The following EFL1 variants were observed in gnomAD, a reference collection of about 807,000 sequenced individuals.
EFL1 encodes the protein elongation factor-like GTPase 1.
In EFL1, 76 loss-of-function variants were observed where a neutral mutation model predicts 126.7. That is an observed-to-expected ratio of 0.60 (90% confidence interval 0.50 to 0.73). The LOEUF is 0.73. Ranked by LOEUF, EFL1 falls within the 30% of genes least tolerant of loss-of-function variation. EFL1 has a pLI of 0.00. For missense variants in EFL1, 1,128 were observed against 1,343.2 expected (o/e 0.84, Z 2.50); for synonymous variants, 410 against 448.4 (o/e 0.91, Z 1.08).
chr15:82,259,720 G>C (rs1402943402), intron 2 of EFL1, among the ~76,000 whole-genome samples: 1 of 152,154 alleles, frequency 6.6e-6, no homozygotes, highest in African/African-American at 2.4e-5. Context: ...GATATAAACA[G>C]GTGATTCTGT....
intron 4 of EFL1, among the ~76,000 whole-genome samples, chr15:82,247,286 A>G (rs1285543934): frequency 6.6e-6 from 1 of 152,154 alleles, no homozygotes; most frequent in Non-Finnish European, 1.5e-5. Flanking sequence ...GAAAGTATTC[A>G]TGACAACAGG....
At chr15:82,222,682 G>A (rs2074724374) in intron 12 of EFL1, among the ~76,000 whole-genome samples, 1 of 152,172 alleles carries the variant, frequency 6.6e-6, no homozygotes, top group Non-Finnish European at 1.5e-5. Flanking sequence ...TAATCAGCAA[G>A]GATGTGTAAA....
Position 82,228,171 on chromosome 15 carries a change from A to C in EFL1, c.1069+20T>G. The C allele has an allele frequency of 6.4e-7, 1 of 1,570,324 alleles. No individual in the cohort carries two copies. Among genetic ancestry groups the C allele is most frequent in the Non-Finnish European group, 8.6e-7 (1 of 1,163,548 alleles). ...CTTTATCAAAACTATTTCATTAAAA[A>C]CCATTAGAATAAAGGATACCAAGAA... On this transcript the variant is annotated intron_variant, in intron 10 of 19. Transcript: ENST00000268206.
At chr15:82,164,997 G>A (rs902129438) in intron 15 of EFL1, among the ~76,000 whole-genome samples, 2 of 151,754 alleles carry the variant, frequency 1.3e-5, no homozygotes, top group African/African-American at 2.4e-5. Context: ...CATACAAAGG[G>A]CCAGTGCAGT....
At chr15:82,262,085 CT>C (rs2075129212) in intron 1 of EFL1, 1 of 268,872 alleles carries the variant, frequency 3.7e-6, no homozygotes, top group Non-Finnish European at 7.1e-6. Context: ...ACCAGTAACC[CT>C]GCCGGTGGAG....
At chr15:82,214,322 A>G (rs2074620938) in intron 15 of EFL1, among the ~76,000 whole-genome samples, 1 of 152,240 alleles carries the variant, frequency 6.6e-6, no homozygotes, top group Admixed American at 6.5e-5. Context: ...AAGCATGCGA[A>G]AAAAGCAATG....
chr15:82,151,438 T>A, intron 18 of EFL1, 27 bp downstream of exon 18: 1 of 1,564,680 alleles, frequency 6.4e-7, no homozygotes, highest in South Asian at 1.2e-5. Context: ...AGGGCATTTC[T>A]CACTATCTTT....
chr15:82,240,297 C>T (rs1462247094), intron 6 of EFL1, 121 bp downstream of exon 6: 3 of 893,954 alleles, frequency 3.4e-6, no homozygotes, highest in Non-Finnish European at 5.0e-6. Flanking sequence ...ATAACAGCAA[C>T]ACGTATGAAT....
At chr15:82,250,277 T>C (rs566908501) in intron 4 of EFL1, among the ~76,000 whole-genome samples, 15 of 120,546 alleles carry the variant, frequency 1.2e-4, no homozygotes, top group African/African-American at 4.6e-4. Flanking sequence ...GGCTCTGCAC[T>C]GTCAAGTGTG....
chr15:82,131,819 T>C (rs1356704172), intron 19 of EFL1, among the ~76,000 whole-genome samples: 2 of 152,010 alleles, frequency 1.3e-5, no homozygotes, highest in Non-Finnish European at 2.9e-5. Context: ...TTCAATTTTA[T>C]GTTGTATGAA....
chr15:82,214,196 T>C (rs541478102), intron 15 of EFL1, among the ~76,000 whole-genome samples: 1 of 152,314 alleles, frequency 6.6e-6, no homozygotes, highest in African/African-American at 2.4e-5. Flanking sequence ...AAAAAGTGAA[T>C]TCTGCACATG....
intron 4 of EFL1, among the ~76,000 whole-genome samples, chr15:82,249,761 C>T (rs1364944267): frequency 1.3e-5 from 2 of 151,984 alleles, no homozygotes; most frequent in African/African-American, 2.4e-5. Flanking sequence ...TGGTCACAAA[C>T]GTAAAGATAA....
Position 82,151,576 on chromosome 15 carries a change from G to T in EFL1, c.2878C>A (p.Gln960Lys). ...LTDCYGPFSG[Q>K]LIATMKEACR... Reference sequence around the variant, plus strand: ...GCTTCTTTCATGGTGGCAATTAGCTGTCCTGAGAAAGGTCCATAGCAGTCA... The same window carrying T: ...GCTTCTTTCATGGTGGCAATTAGCTTTCCTGAGAAAGGTCCATAGCAGTCA... The change falls in exon 18 of 20, where the codon CAG becomes AAG. Residue 960 changes from glutamine to lysine, a missense_variant. Around this residue, in one of 6 missense-constraint regions of EFL1, gnomAD observed 561 missense variants for 641.7 expected, o/e 0.87. Coordinates refer to ENST00000268206, the MANE Select transcript of EFL1 (RefSeq NM_024580.6). 1 of 1,614,176 alleles carries T rather than the reference G, an allele frequency of 6.2e-7. No individual in the cohort carries two copies.
At chr15:82,152,503 G>A (rs2073924388) in intron 17 of EFL1, 80 bp from the exon 18 acceptor site, 6 of 1,185,422 alleles carry the variant, frequency 5.1e-6, no homozygotes, top group Non-Finnish European at 7.0e-6. Context: ...TTACTACACA[G>A]TGGAGATTCT....
In EFL1 at chr15:82,181,896, G is replaced by A. The variant is rs189709370; in HGVS notation, c.1751-17912C>T. 8.6e-5 allele frequency among the ~76,000 whole-genome samples: 13 copies of A among 151,924 alleles called. No homozygotes were observed. In the East Asian group the frequency reaches 2.5e-3, roughly 29 times the overall value. On this transcript the variant is annotated intron_variant, in intron 15 of 19. Coordinates refer to ENST00000268206, the MANE Select transcript of EFL1 (RefSeq NM_024580.6). ...AATACTTCTTTTTTCATAACCTCCC[G>A]CCCTCTAAAAACTTCCAGTTCCCTC...
At chr15:82,247,191 G>A (rs1299770154) in intron 4 of EFL1, among the ~76,000 whole-genome samples, 2 of 152,100 alleles carry the variant, frequency 1.3e-5, no homozygotes, top group African/African-American at 4.8e-5. Flanking sequence ...GAAAGAAAGA[G>A]CTGGGAGAAT....
chr15:82,157,272 T>G (rs1485940731), intron 17 of EFL1, among the ~76,000 whole-genome samples: 1 of 152,200 alleles, frequency 6.6e-6, no homozygotes, highest in African/African-American at 2.4e-5. Context: ...GTTATAAAAA[T>G]TTGGGATGCC....
intron 12 of EFL1, among the ~76,000 whole-genome samples, chr15:82,221,169 A>G (rs1235209834): frequency 6.6e-6 from 1 of 151,818 alleles, no homozygotes; most frequent in Non-Finnish European, 1.5e-5. Flanking sequence ...AAGCTGGACA[A>G]CTCTTCATGG....
At chr15:82,254,710 G>T (rs960018887) in intron 3 of EFL1, among the ~76,000 whole-genome samples, 2 of 152,034 alleles carry the variant, frequency 1.3e-5, no homozygotes, top group African/African-American at 4.8e-5. Flanking sequence ...CCACATTGAC[G>T]TAATTTATTC....
Sources: allele counts gnomAD v4.1 joint callset (sites outside exome capture counted in the v4.1 genomes callset), GRCh38; gene constraint gnomAD v4.1.1; regional missense constraint gnomAD v4.1.1; transcripts MANE v1.5; gene names NCBI Gene and HGNC (gene_info 2026-07-23, HGNC 2026-07-21).